Variants in ZFHX4 observed in about 807,000 individuals in gnomAD.
ZFHX4 encodes zinc finger homeobox 4, also known as zinc finger homeobox protein 4.
Under a neutral mutation model 267.6 loss-of-function variants are expected in ZFHX4, and 56 were observed. The observed-to-expected ratio is 0.21, with a 90% CI of 0.17 to 0.26. The LOEUF is 0.26. Among genes scored for constraint, ZFHX4 ranks in the 10% least tolerant of loss-of-function variants. ZFHX4 has a pLI of 1.00. For synonymous variants in ZFHX4, 1,778 were observed against 1,665.6 expected (o/e 1.07, Z -1.64); for missense variants, 4,332 against 4,420.0 (o/e 0.98, Z 0.56).
At chr8:76,753,775 A>G (rs1809688359) in intron 3 of ZFHX4, among the ~76,000 whole-genome samples, 1 of 151,814 alleles carries the variant, frequency 6.6e-6, no homozygotes, top group Non-Finnish European at 1.5e-5. Context: ...GAGGCATGCA[A>G]CACCATGCTC....
At position 76,849,930 on chromosome 8, in the gene ZFHX4, T is replaced by C; in HGVS notation, c.3846+218T>C. ...GCATAGCTTAGTAAAGAACATTATT[T>C]TGCAGTCTTCTTTTTATATCTATAA... On this transcript the variant is annotated intron_variant, in intron 8 of 10. Coordinates refer to ENST00000651372, the MANE Select transcript of ZFHX4 (RefSeq NM_024721.5). The C allele has an allele frequency of 5.0e-6, 3 of 600,602 alleles. No homozygotes were observed. The East Asian group carries it at 8.4e-5, about 17-fold the overall frequency. The allele number at this position is 600,602 out of a possible 1,614,324, so 37.2% of individuals were successfully genotyped here.
Position 76,855,370 on chromosome 8 carries a change from G to T in ZFHX4, c.8449G>T (p.Asp2817Tyr), listed in dbSNP as rs775093957. ...NTAISDATTG[D>Y]EGNTEMESTT... ...GGCAATCAGTGACGCCACCACCGGA[G>T]ACGAGGGAAACACTGAAATGGAAAG... The change falls in exon 10 of 11, where the codon GAC becomes TAC. Residue 2817 changes from aspartate to tyrosine, a missense_variant. This residue lies in a region of ZFHX4 where 1,648 missense variants were observed against 1,625.0 expected (regional missense o/e 1.01). Coordinates refer to ENST00000651372, the MANE Select transcript of ZFHX4 (RefSeq NM_024721.5). The T allele has an allele frequency of 1.2e-6, 2 of 1,613,586 alleles. No homozygotes were observed. Among genetic ancestry groups the T allele is most frequent in the Non-Finnish European group, 8.5e-7 (1 of 1,179,846 alleles).
intron 1 of ZFHX4, among the ~76,000 whole-genome samples, chr8:76,701,363 T>C (rs1808098682): frequency 6.6e-6 from 1 of 152,112 alleles, no homozygotes; most frequent in Non-Finnish European, 1.5e-5. Context: ...AGAAATTGAT[T>C]GGCAATTTTC....
rs761737101 is a variant in ZFHX4 at position 76,851,215 on chromosome 8, C to A, written c.4294C>A (p.Arg1432Ser). Residue 1432 changes from arginine (R) to serine (S), a missense_variant, in exon 10 of 11, where the codon CGC becomes AGC. This residue lies in a region of ZFHX4 where 1,371 missense variants were observed against 1,423.1 expected (regional missense o/e 0.96). Coordinates refer to ENST00000651372, the MANE Select transcript of ZFHX4 (RefSeq NM_024721.5). ...RAATMCNLCQ[R>S]SFRTFQALKK... Reference sequence around the variant, plus strand: ...TGCGACAATGTGTAACCTCTGCCAGCGCAGTTTCCGTACATTCCAGGCTTT... The same window carrying A: ...TGCGACAATGTGTAACCTCTGCCAGAGCAGTTTCCGTACATTCCAGGCTTT... The A allele has an allele frequency of 7.4e-6, 12 of 1,613,824 alleles. No individual in the cohort carries two copies. Among genetic ancestry groups the A allele is most frequent in the Non-Finnish European group, 1.0e-5 (12 of 1,179,844 alleles).
chr8:76,708,322 A>G, intron 3 of ZFHX4: 1 of 448,892 alleles, frequency 2.2e-6, no homozygotes, highest in South Asian at 2.6e-5. Flanking sequence ...TTTGGGGGAT[A>G]GTGTTATATA....
In ZFHX4 at chr8:76,864,677, A is replaced by C; in HGVS notation, c.*112A>C. 1.4e-6 allele frequency: 1 copy of C among 721,974 alleles called. No individual in the cohort carries two copies. The highest frequency in any genetic ancestry group is 2.2e-6 in the Non-Finnish European group (1 of 460,124). The allele number at this position is 721,974 out of a possible 1,614,324, so 44.7% of individuals were successfully genotyped here. A position where few individuals can be genotyped will look rare whatever the true frequency, so the allele number is the denominator to read the frequency against. ...TCTAACCCAAAAATTACAGTACCAA[A>C]TGATTGACTCAGGATTGTTTTTCCC... On this transcript the variant is annotated 3_prime_UTR_variant, in exon 11 of 11. Coordinates refer to ENST00000651372, the MANE Select transcript of ZFHX4 (RefSeq NM_024721.5).
At chr8:76,817,753 T>C (rs1811544072) in intron 4 of ZFHX4, among the ~76,000 whole-genome samples, 1 of 152,224 alleles carries the variant, frequency 6.6e-6, no homozygotes. Flanking sequence ...TTAGCCTATT[T>C]CAATTGGATT....
chr8:76,706,649 C>T lies in ZFHX4; in HGVS notation c.2561C>T (p.Ala854Val). 1.9e-6 allele frequency: 3 copies of T among 1,596,194 alleles called. No homozygotes were observed. Among genetic ancestry groups the T allele is most frequent in the East Asian group, 2.2e-5 (1 of 44,700 alleles). ...LMINPFQLDP[A>V]TAAALAPGLV... is the part of the protein sequence containing the mutation. ...ATCAATCCATTCCAGCTGGATCCAGCGACAGCAGCGGCTTTGGCACCAGGG... is the reference window on the plus strand; with the variant it reads ...ATCAATCCATTCCAGCTGGATCCAGTGACAGCAGCGGCTTTGGCACCAGGG... Residue 854 changes from alanine (A) to valine (V), a missense_variant, in exon 2 of 11, where the codon GCG becomes GTG. This residue lies in a region of ZFHX4 where 1,195 missense variants were observed against 1,173.6 expected (regional missense o/e 1.02). Transcript: ENST00000651372.
intron 6 of ZFHX4, among the ~76,000 whole-genome samples, chr8:76,847,799 T>C (rs1431651394): frequency 6.6e-6 from 1 of 152,168 alleles, no homozygotes; most frequent in Non-Finnish European, 1.5e-5. Context: ...AAATTAAAAC[T>C]GGGTTATTTT....
intron 1 of ZFHX4, among the ~76,000 whole-genome samples, chr8:76,700,039 T>C (rs1808061974): frequency 6.6e-6 from 1 of 152,090 alleles, no homozygotes; most frequent in Admixed American, 6.6e-5. Flanking sequence ...GACATATTGA[T>C]AGAGGATTTG....
At chr8:76,710,713 T>C (rs1268409081) in intron 3 of ZFHX4, among the ~76,000 whole-genome samples, 2 of 152,206 alleles carry the variant, frequency 1.3e-5, no homozygotes, top group African/African-American at 4.8e-5. Flanking sequence ...TGACAACATA[T>C]TGATTCATAA....
chr8:76,793,881 C>A (rs76271776), intron 4 of ZFHX4, among the ~76,000 whole-genome samples: 10 of 151,980 alleles, frequency 6.6e-5, no homozygotes, highest in African/African-American at 2.4e-4. Flanking sequence ...GTGATTCTTA[C>A]GAGTACGTAA....
chr8:76,705,714 T>C lies in ZFHX4; in HGVS notation c.1626T>C (p.Val542=), dbSNP rs377635436. Residue 542 remains valine, a synonymous_variant, in exon 2 of 11, where the codon GTT becomes GTC. Transcript: ENST00000651372. ...DTEKKKQTAA[V]RASGSVASNY... is the part of the protein sequence containing the mutation. ...AAAAGAAAAAACAGACTGCTGCTGT[T>C]AGGGCCAGTGGCAGTGTTGCTAGTA... The C allele has an allele frequency of 1.9e-6, 3 of 1,613,930 alleles. No homozygotes were observed. The African/African-American group carries it at 4.0e-5, about 22-fold the overall frequency.
intron 3 of ZFHX4, chr8:76,708,355 A>G (rs565823039): frequency 1.8e-5 from 5 of 281,142 alleles, no homozygotes; most frequent in Non-Finnish European, 3.2e-5. Context: ...TTTTAAACCT[A>G]TTGATTTTTT....
At chr8:76,796,745 A>G (rs1563527708) in intron 4 of ZFHX4, among the ~76,000 whole-genome samples, 1 of 152,192 alleles carries the variant, frequency 6.6e-6, no homozygotes, top group Non-Finnish European at 1.5e-5. Flanking sequence ...TCTTATTTGT[A>G]ATGTTTTTTT....
chr8:76,702,655 A>C (rs1359315020), intron 1 of ZFHX4, among the ~76,000 whole-genome samples: 2 of 152,224 alleles, frequency 1.3e-5, no homozygotes, highest in Non-Finnish European at 2.9e-5. Context: ...ATGCAATGTA[A>C]TATAGCAACA....
intron 3 of ZFHX4, among the ~76,000 whole-genome samples, chr8:76,744,500 C>A (rs1022164493): frequency 1.3e-5 from 2 of 151,954 alleles, no homozygotes; most frequent in Non-Finnish European, 2.9e-5. Flanking sequence ...GCAACCTACA[C>A]CTCCCAGGTT....
chr8:76,718,860 A>G (rs552372198), intron 3 of ZFHX4, among the ~76,000 whole-genome samples: 1 of 151,604 alleles, frequency 6.6e-6, no homozygotes, highest in South Asian at 2.1e-4. Context: ...CTGAATTATG[A>G]CTACCCCCTT....
intron 3 of ZFHX4, among the ~76,000 whole-genome samples, chr8:76,769,373 A>G (rs373626118): frequency 3.3e-4 from 49 of 150,594 alleles, no homozygotes; most frequent in South Asian, 1.0e-3. Flanking sequence ...TTTTTAAGAC[A>G]GGGTCTTGCT....
Sources: gnomAD v4.1 joint callset for allele counts (sites outside exome capture counted in the v4.1 genomes callset) on GRCh38, gnomAD v4.1.1 for gene constraint, gnomAD v4.1.1 regional missense constraint, MANE v1.5 for transcripts, NCBI Gene and HGNC (gene_info 2026-07-23, HGNC 2026-07-21) for gene names.